PARD3: variants seen among roughly 807,000 people sequenced by gnomAD.
PARD3 encodes the protein partitioning defective 3 homolog.
Under a neutral mutation model 155.4 loss-of-function variants are expected in PARD3, and 75 were observed. The ratio of observed to expected loss-of-function variants is 0.48; its 90% CI spans 0.40 to 0.58. The LOEUF is 0.58. PARD3 is among the 20% of genes least tolerant of loss of function. The probability of loss-of-function intolerance (pLI) is 0.00; values close to 1 mark genes in which losing one functional copy is unlikely to be tolerated. For synonymous variants in PARD3, 576 were observed against 610.5 expected (o/e 0.94, Z 0.83); for missense variants, 1,642 against 1,721.7 (o/e 0.95, Z 0.82).
At chr10:34,676,932 G>C (rs1211178882) in intron 2 of PARD3, among the ~76,000 whole-genome samples, 4 of 152,090 alleles carry the variant, frequency 2.6e-5, no homozygotes, top group Admixed American at 6.5e-5. Flanking sequence ...ATTACTTTCT[G>C]CATAGTCTAC....
intron 9 of PARD3, among the ~76,000 whole-genome samples, chr10:34,381,223 T>C (rs983573031): frequency 2.0e-5 from 3 of 152,180 alleles, no homozygotes; most frequent in Non-Finnish European, 4.4e-5. Flanking sequence ...AATATCCGGA[T>C]ATGGAAAACA....
chr10:34,724,172 G>C (rs931264121), intron 1 of PARD3, among the ~76,000 whole-genome samples: 1 of 152,164 alleles, frequency 6.6e-6, no homozygotes, highest in Non-Finnish European at 1.5e-5. Flanking sequence ...ATGTAATCCT[G>C]AAGATTCTAT....
chr10:34,521,924 T>C (rs1358652094), intron 2 of PARD3, among the ~76,000 whole-genome samples: 1 of 152,190 alleles, frequency 6.6e-6, no homozygotes, highest in African/African-American at 2.4e-5. Context: ...TGGGTAGCTG[T>C]TGGTAAATCC....
At chr10:34,392,952 T>G (rs1842977995) in intron 7 of PARD3, among the ~76,000 whole-genome samples, 1 of 151,958 alleles carries the variant, frequency 6.6e-6, no homozygotes, top group South Asian at 2.1e-4. Context: ...AGCCTATGAG[T>G]CAATTCAGCC....
At chr10:34,799,036 C>T (rs1408629314) in intron 1 of PARD3, among the ~76,000 whole-genome samples, 1 of 152,136 alleles carries the variant, frequency 6.6e-6, no homozygotes, top group East Asian at 1.9e-4. Context: ...AAAACCTTTG[C>T]TGCCAAGGTT....
chr10:34,776,841 G>T (rs1031256747), intron 1 of PARD3, among the ~76,000 whole-genome samples: 2 of 129,740 alleles, frequency 1.5e-5, no homozygotes, highest in East Asian at 5.4e-4. Context: ...TTTGTGGGGG[G>T]GGGGGGCGGG....
chr10:34,702,713 T>C lies in PARD3; in HGVS notation c.121-6294A>G, dbSNP rs1297159995. Reference sequence around the variant, plus strand: ...GTGGGAAGATCTTTCCCTGGGCCTCTATCCATCTAAAGAGAAAAGGCAGGG... The same window carrying C: ...GTGGGAAGATCTTTCCCTGGGCCTCCATCCATCTAAAGAGAAAAGGCAGGG... On this transcript the variant is annotated intron_variant, in intron 1 of 24. Coordinates refer to ENST00000374788, the MANE Select transcript of PARD3 (RefSeq NM_001184785.2). Among the ~76,000 whole-genome samples, 7 of 152,318 alleles carry C rather than the reference T, an allele frequency of 4.6e-5. No individual in the cohort carries two copies. The East Asian group carries it at 1.4e-3, about 29-fold the overall frequency.
At chr10:34,790,031 T>C (rs1246758822) in intron 1 of PARD3, among the ~76,000 whole-genome samples, 1 of 152,194 alleles carries the variant, frequency 6.6e-6, no homozygotes, top group Non-Finnish European at 1.5e-5. Flanking sequence ...AGCAGACCGT[T>C]TGAATCATGG....
chr10:34,572,521 C>T (rs1460648227), intron 2 of PARD3, among the ~76,000 whole-genome samples: 1 of 151,818 alleles, frequency 6.6e-6, no homozygotes, highest in Non-Finnish European at 1.5e-5. Context: ...CGCCTGCAGT[C>T]CCAGCTACTC....
intron 1 of PARD3, among the ~76,000 whole-genome samples, chr10:34,724,091 G>A (rs189860811): frequency 5.4e-4 from 82 of 152,310 alleles, no homozygotes; most frequent in African/African-American, 1.6e-3. Context: ...TGGAAACTTC[G>A]TATGGAGCAC....
chr10:34,230,921 A>G (rs1281097482), intron 22 of PARD3, among the ~76,000 whole-genome samples: 1 of 152,038 alleles, frequency 6.6e-6, no homozygotes, highest in Admixed American at 6.5e-5. Flanking sequence ...AGCTACTTGG[A>G]AGACTGAGGT....
chr10:34,737,356 G>A (rs1030419883), intron 1 of PARD3, among the ~76,000 whole-genome samples: 14 of 152,186 alleles, frequency 9.2e-5, no homozygotes, highest in African/African-American at 3.4e-4. Flanking sequence ...GCTCCACTCA[G>A]GTGCTTGGCT....
intron 2 of PARD3, among the ~76,000 whole-genome samples, chr10:34,604,516 C>T (rs1432278822): frequency 6.6e-6 from 1 of 151,114 alleles, no homozygotes; most frequent in East Asian, 1.9e-4. Context: ...TGCAGATGGC[C>T]TATTATGGGA....
At chr10:34,585,135 A>G (rs976621825) in intron 2 of PARD3, among the ~76,000 whole-genome samples, 4 of 152,174 alleles carry the variant, frequency 2.6e-5, no homozygotes, top group African/African-American at 7.2e-5. Context: ...CTTCAACTTG[A>G]TATGTTTTCA....
At chr10:34,422,993 C>T (rs1213308968) in intron 5 of PARD3, among the ~76,000 whole-genome samples, 3 of 152,156 alleles carry the variant, frequency 2.0e-5, no homozygotes, top group East Asian at 1.9e-4. Context: ...ATGTTTATTA[C>T]AGCACTATTT....
At chr10:34,438,607 T>G (rs2076305671) in intron 5 of PARD3, among the ~76,000 whole-genome samples, 2 of 152,154 alleles carry the variant, frequency 1.3e-5, no homozygotes, top group Non-Finnish European at 2.9e-5. Context: ...TTCCTTTCAA[T>G]TTATTGAAAG....
At chr10:34,502,046 GC>G (rs964671836) in intron 3 of PARD3, among the ~76,000 whole-genome samples, 3 of 152,228 alleles carry the variant, frequency 2.0e-5, no homozygotes, top group African/African-American at 7.2e-5. Context: ...GAGAAGGCAA[GC>G]CTTCACTAGA....
intron 2 of PARD3, among the ~76,000 whole-genome samples, chr10:34,573,698 C>A (rs1249422404): frequency 6.6e-6 from 1 of 150,598 alleles, no homozygotes; most frequent in African/African-American, 2.4e-5. Flanking sequence ...GAGAACGAGA[C>A]TCCGTCTCAA....
At chr10:34,312,873 A>G (rs1328638316) in intron 20 of PARD3, among the ~76,000 whole-genome samples, 13 of 152,358 alleles carry the variant, frequency 8.5e-5, no homozygotes, top group African/African-American at 3.1e-4. Flanking sequence ...CCAATTTTGC[A>G]GCAAAGCAAT....
Sources: allele counts gnomAD v4.1 joint callset (sites outside exome capture counted in the v4.1 genomes callset), GRCh38; gene constraint gnomAD v4.1.1; transcripts MANE v1.5; gene names NCBI Gene and HGNC (gene_info 2026-07-23, HGNC 2026-07-21).